DHX57: variants seen among roughly 807,000 people sequenced by gnomAD.
DHX57 encodes the protein putative ATP-dependent RNA helicase DHX57.
A neutral mutation model predicts 156.2 loss-of-function variants in DHX57; 105 were observed. That is an observed-to-expected ratio of 0.67 (90% CI 0.57 to 0.79). The LOEUF is 0.79. Among genes scored for constraint, DHX57 ranks in the 30% least tolerant of loss-of-function variants. DHX57 has a pLI of 0.00. For missense variants in DHX57, 1,847 were observed against 1,661.9 expected (o/e 1.11, Z -1.94); for synonymous variants, 704 against 595.6 (o/e 1.18, Z -2.65).
chr2:38,807,267 C>T (rs1669992794), intron 21 of DHX57, among the ~76,000 whole-genome samples: 1 of 152,090 alleles, frequency 6.6e-6, no homozygotes, highest in Non-Finnish European at 1.5e-5. Flanking sequence ...GTTGGCAAGG[C>T]TGGTCTTGAA....
chr2:38,836,038 AAGC>A (rs1671637494), intron 13 of DHX57, among the ~76,000 whole-genome samples: 1 of 152,210 alleles, frequency 6.6e-6, no homozygotes, highest in South Asian at 2.1e-4. Context: ...GATGTAAAAG[AAGC>A]AGCAGTGCCA....
chr2:38,819,841 T>C (rs933700909), intron 17 of DHX57, among the ~76,000 whole-genome samples: 6 of 151,626 alleles, frequency 4.0e-5, no homozygotes, highest in African/African-American at 1.5e-4. Context: ...CTCTTATTTA[T>C]TGTTTTACTT....
chr2:38,873,604 A>G (rs1665455395), intron 1 of DHX57, among the ~76,000 whole-genome samples: 1 of 152,236 alleles, frequency 6.6e-6, no homozygotes, highest in African/African-American at 2.4e-5. Flanking sequence ...CTATTTGTGG[A>G]ATGAATGATT....
chr2:38,819,485 A>G (rs1267721246), intron 17 of DHX57, among the ~76,000 whole-genome samples: 2 of 152,226 alleles, frequency 1.3e-5, no homozygotes, highest in Non-Finnish European at 2.9e-5. Context: ...CCTACAGGAC[A>G]CTTTTTATCT....
chr2:38,842,979 T>C (rs766256830), intron 12 of DHX57, 26 bp downstream of exon 12: 11 of 1,605,624 alleles, frequency 6.9e-6, no homozygotes, highest in Non-Finnish European at 7.7e-6. Flanking sequence ...GGCATAATTA[T>C]AATATTCCCC....
chr2:38,850,441 T>C (rs932570652), intron 9 of DHX57, among the ~76,000 whole-genome samples: 3 of 151,956 alleles, frequency 2.0e-5, no homozygotes, highest in African/African-American at 7.3e-5. Flanking sequence ...TTTGTTTTTA[T>C]AGTAGAGATG....
chr2:38,863,137 G>C, intron 3 of DHX57: 1 of 479,432 alleles, frequency 2.1e-6, no homozygotes. Context: ...CACTGCCCTG[G>C]AAAAAAATAA....
rs546793197 is a variant in DHX57, at chr2:38,814,524, T to C, written c.3607-629A>G. ...TTCAGAATCTCCAGAAAGTGCTAAC[T>C]GCACTCGGAACACAGGAGCATCAGG... is the stretch of plus-strand genomic sequence containing the variant. On this transcript the variant is annotated intron_variant, in intron 20 of 23. Coordinates refer to ENST00000457308, the MANE Select transcript of DHX57 (RefSeq NM_198963.3). 2.5e-4 allele frequency among the ~76,000 whole-genome samples: 38 copies of C among 152,308 alleles called. No individual in the cohort carries two copies. The South Asian group carries it at 7.9e-3, about 32-fold the overall frequency.
At chr2:38,820,709 AT>A (rs1252940580) in intron 17 of DHX57, among the ~76,000 whole-genome samples, 1 of 152,156 alleles carries the variant, frequency 6.6e-6, no homozygotes, top group South Asian at 2.1e-4. Context: ...GGACTAAGAT[AT>A]TTTTGCAGAT....
In DHX57 at chr2:38,873,299, C is replaced by G. The variant is rs181390335; in HGVS notation, c.-7+2488G>C. 2.1e-3 allele frequency among the ~76,000 whole-genome samples: 316 copies of G among 152,156 alleles called. 1 individual carries two copies. Among genetic ancestry groups the G allele is most frequent in the African/African-American group, 7.1e-3 (296 of 41,518 alleles). On this transcript the variant is annotated intron_variant, in intron 1 of 23. Coordinates refer to ENST00000457308, the MANE Select transcript of DHX57 (RefSeq NM_198963.3). ...AGCCACTGTGCCCAGCCATAAACCT[C>G]AATAAATGTAAAAAGAAAGAAATAA...
intron 23 of DHX57, 47 bp from the exon 24 acceptor site, chr2:38,798,489 GA>G (rs1558345976): frequency 1.3e-6 from 2 of 1,555,748 alleles, no homozygotes; most frequent in South Asian, 2.5e-5. Flanking sequence ...GAACAGGCAG[GA>G]TAGGTTATTG....
At position 38,861,300 on chromosome 2, in the gene DHX57, C is replaced by A. The variant is rs570561927; in HGVS notation, c.1110G>T (p.Pro370=). 6.2e-7 allele frequency: 1 copy of A among 1,613,934 alleles called. No individual in the cohort carries two copies. The highest frequency in any genetic ancestry group is 1.3e-5 in the African/African-American group (1 of 74,886). ...SKDHKYPYQA[P]LVAFYSTNEN... is the part of the protein sequence containing the mutation. ...CATTGGTGGAATAAAATGCCACGAG[C>A]GGAGCTTGGTAGGGATATTTGTGGT... Residue 370 remains proline, a synonymous_variant, in exon 5 of 24, where the codon CCG becomes CCT. Transcript: ENST00000457308.
At chr2:38,843,894 G>T (rs936829233) in intron 11 of DHX57, among the ~76,000 whole-genome samples, 4 of 152,080 alleles carry the variant, frequency 2.6e-5, no homozygotes, top group Admixed American at 2.0e-4. Context: ...AGCCTTAAAT[G>T]TTGCTCAAAG....
intron 2 of DHX57, among the ~76,000 whole-genome samples, chr2:38,863,983 G>A (rs1664908694): frequency 6.6e-6 from 1 of 151,708 alleles, no homozygotes; most frequent in Non-Finnish European, 1.5e-5. Flanking sequence ...CTGCACTACA[G>A]CCTGGGCAAC....
At chr2:38,840,557 G>T (rs1180570802) in intron 12 of DHX57, among the ~76,000 whole-genome samples, 1 of 138,590 alleles carries the variant, frequency 7.2e-6, no homozygotes, top group Non-Finnish European at 1.6e-5. Context: ...ATTTTTGTAA[G>T]GACTTTTGTT....
At chr2:38,819,733 A>C (rs1248583479) in intron 17 of DHX57, among the ~76,000 whole-genome samples, 1 of 151,994 alleles carries the variant, frequency 6.6e-6, no homozygotes, top group Non-Finnish European at 1.5e-5. Context: ...TATATCTAAA[A>C]CCTAACATTC....
At chr2:38,866,659 G>A (rs1440784682) in intron 2 of DHX57, among the ~76,000 whole-genome samples, 1 of 152,142 alleles carries the variant, frequency 6.6e-6, no homozygotes, top group East Asian at 1.9e-4. Context: ...AGTGCCTGGT[G>A]CATGGTAGGC....
chr2:38,843,275 A>G (rs1391500475), intron 11 of DHX57, 65 bp from the exon 12 acceptor site: 1 of 1,543,054 alleles, frequency 6.5e-7, no homozygotes, highest in African/African-American at 1.4e-5. Flanking sequence ...GAAAGAATTC[A>G]CCTGTTTCAC....
At chr2:38,830,759 TTTC>T (rs1428187125) in intron 13 of DHX57, among the ~76,000 whole-genome samples, 1 of 152,186 alleles carries the variant, frequency 6.6e-6, no homozygotes, top group Non-Finnish European at 1.5e-5. Flanking sequence ...ATCCATGTTC[TTTC>T]CATTACATAC....
Sources: gnomAD v4.1 joint callset for allele counts (sites outside exome capture counted in the v4.1 genomes callset) on GRCh38, gnomAD v4.1.1 for gene constraint, MANE v1.5 for transcripts, NCBI Gene and HGNC (gene_info 2026-07-23, HGNC 2026-07-21) for gene names.